Variants in CAST observed in about 807,000 individuals in gnomAD.
The protein encoded by CAST is MIR583 host.
Under a neutral mutation model 119.6 loss-of-function variants are expected in CAST, and 76 were observed. The ratio of observed to expected loss-of-function variants is 0.64; its 90% CI spans 0.53 to 0.77. The LOEUF (loss-of-function observed/expected upper bound fraction) is 0.77, where lower values mean the gene tolerates loss of function less well. CAST is among the 30% of genes least tolerant of loss of function. The pLI is 0.00. For missense variants in CAST, 953 were observed against 946.5 expected, an observed-to-expected ratio of 1.01 and a Z score of -0.09; for synonymous variants, 319 against 331.6, an observed-to-expected ratio of 0.96 and a Z score of 0.41.
chr5:96,213,895 T>C, the CAST span: 1 of 152,228 alleles, frequency 6.6e-6, no homozygotes, highest in Non-Finnish European at 1.5e-5. Context: ...TCCAGTTTTA[T>C]GTTGTCTTCT....
At chr5:96,707,708 A>G (rs1755300010) in intron 3 of CAST, among the ~76,000 whole-genome samples, 1 of 152,198 alleles carries the variant, frequency 6.6e-6, no homozygotes, top group Admixed American at 6.5e-5. Context: ...GAGCAAGGTC[A>G]TGGACCATTG....
chr5:96,271,249 G>T, the CAST span, among the ~76,000 whole-genome samples: 1 of 151,952 alleles, frequency 6.6e-6, no homozygotes, highest in Non-Finnish European at 1.5e-5. Flanking sequence ...TAAAAAAACA[G>T]TTCTAAAATG....
At chr5:95,974,118 C>A in the CAST span, among the ~76,000 whole-genome samples, 2 of 152,196 alleles carry the variant, frequency 1.3e-5, no homozygotes, top group South Asian at 4.1e-4. Flanking sequence ...GAGCTACCAA[C>A]TCTTACAGGC....
the CAST span, among the ~76,000 whole-genome samples, chr5:96,167,765 C>T: frequency 2.0e-5 from 3 of 152,162 alleles, no homozygotes; most frequent in Non-Finnish European, 4.4e-5. Context: ...GGCCTCTACC[C>T]ATCCAGTGAA....
the CAST span, among the ~76,000 whole-genome samples, chr5:96,302,930 C>G: frequency 6.6e-6 from 1 of 152,172 alleles, no homozygotes; most frequent in Admixed American, 6.6e-5. Context: ...AAAGTCACTT[C>G]CACATTTTCA....
chr5:96,497,941 A>T, the CAST span, among the ~76,000 whole-genome samples: 59 of 152,130 alleles, frequency 3.9e-4, no homozygotes, highest in Non-Finnish European at 6.6e-4. Context: ...TTGCCCATGC[A>T]TATGTCCTGA....
intron 1 of CAST, among the ~76,000 whole-genome samples, chr5:96,617,510 C>T (rs76107884): frequency 0.08 from 12,151 of 152,028 alleles, 772 homozygotes; most frequent in East Asian, 0.22. Flanking sequence ...TCTTAGGAGG[C>T]CGGGCACGGT....
chr5:96,698,624 CT>C (rs1753565224), intron 3 of CAST, among the ~76,000 whole-genome samples: 1 of 152,140 alleles, frequency 6.6e-6, no homozygotes, highest in African/African-American at 2.4e-5. Context: ...AGCATTATCC[CT>C]TAAGGAATTA....
the CAST span, among the ~76,000 whole-genome samples, chr5:96,077,175 A>G: frequency 6.6e-6 from 1 of 152,044 alleles, no homozygotes; most frequent in African/African-American, 2.4e-5. Context: ...TATATCATAA[A>G]TAACATTATA....
the CAST span, among the ~76,000 whole-genome samples, chr5:96,078,319 C>T: frequency 6.6e-6 from 1 of 152,110 alleles, no homozygotes; most frequent in Admixed American, 6.5e-5. Flanking sequence ...TCAGTCTACC[C>T]AAGTACACAG....
chr5:96,441,404 A>T, the CAST span, among the ~76,000 whole-genome samples: 5 of 152,152 alleles, frequency 3.3e-5, no homozygotes, highest in Admixed American at 2.0e-4. Flanking sequence ...AGAGAGCCAG[A>T]GCAAGTTTTA....
At position 96,770,563 on chromosome 5, in the gene CAST, A is replaced by G; in HGVS notation, c.2301A>G (p.Lys767=). Residue 767 remains lysine (K), a synonymous_variant, in exon 30 of 32, where the codon AAA becomes AAG. Coordinates refer to ENST00000675179, the MANE Select transcript of CAST (RefSeq NM_001750.7). The stretch of plus-strand genomic sequence containing the variant: ...GCAAGAAGGCTGCTTCCAGCTCCAA[A>G]GCACCTAAGAATGGAGGTAAAGCGA... ...DKCKKAASSS[K]APKNGGKAKD... is the part of the protein sequence containing the mutation. The G allele has an allele frequency of 6.2e-7, 1 of 1,613,232 alleles. No individual in the cohort carries two copies. Among genetic ancestry groups the G allele is most frequent in the Non-Finnish European group, 8.5e-7 (1 of 1,179,296 alleles).
chr5:96,611,841 A>G (rs966040006), intron 1 of CAST, among the ~76,000 whole-genome samples: 5 of 152,200 alleles, frequency 3.3e-5, no homozygotes, highest in African/African-American at 9.7e-5. Flanking sequence ...CATATGGAAA[A>G]ATGCTCGACA....
At chr5:96,089,658 TTTTG>T in the CAST span, among the ~76,000 whole-genome samples, 1 of 152,182 alleles carries the variant, frequency 6.6e-6, no homozygotes, top group African/African-American at 2.4e-5. Context: ...ATGTGCGTGT[TTTTG>T]TTTGTGTATG....
At chr5:96,594,130 A>G (rs1208790627) in intron 1 of CAST, among the ~76,000 whole-genome samples, 3 of 152,252 alleles carry the variant, frequency 2.0e-5, no homozygotes, top group African/African-American at 7.2e-5. Context: ...GCCATGCCTC[A>G]CCTTCCAAAT....
At position 96,729,644 on chromosome 5, in the gene CAST, A is replaced by G. The variant is rs559932814; in HGVS notation, c.468A>G (p.Thr156=). ...PKSLPKQASD[T]GSNDAHNKKA... is the part of the protein sequence containing the mutation. Reference sequence around the variant, plus strand: ...GCCTACCCAAGCAGGCATCAGATACAGGAAGTAACGATGCTCACAATAAAA... The same window carrying G: ...GCCTACCCAAGCAGGCATCAGATACGGGAAGTAACGATGCTCACAATAAAA... The change falls in exon 8 of 32, where the codon ACA becomes ACG. Residue 156 remains threonine (T), a synonymous_variant. Coordinates refer to ENST00000675179, the MANE Select transcript of CAST (RefSeq NM_001750.7). 1.9e-6 allele frequency: 3 copies of G among 1,593,938 alleles called. No individual in the cohort carries two copies. Among genetic ancestry groups the G allele is most frequent in the South Asian group, 2.2e-5 (2 of 90,576 alleles).
chr5:96,634,282 C>A (rs1747858951), intron 1 of CAST, among the ~76,000 whole-genome samples: 1 of 152,206 alleles, frequency 6.6e-6, no homozygotes, highest in Non-Finnish European at 1.5e-5. Context: ...GAAAGGGCTT[C>A]AACTGCTTGT....
chr5:96,425,062 A>AAGAG, the CAST span, among the ~76,000 whole-genome samples: 73 of 142,572 alleles, frequency 5.1e-4, no homozygotes, highest in Non-Finnish European at 8.3e-4. Flanking sequence ...GAAAGAAAGA[A>AAGAG]AGAAAGAAAG....
intron 24 of CAST, chr5:96,761,619 T>A (rs915466179): frequency 6.6e-6 from 1 of 152,310 alleles, no homozygotes; most frequent in African/African-American, 2.4e-5. Context: ...TCAACAGTTA[T>A]ACCTAAGTTT....
Sources: allele counts gnomAD v4.1 joint callset (sites outside exome capture counted in the v4.1 genomes callset), GRCh38; gene constraint gnomAD v4.1.1; transcripts MANE v1.5; gene names NCBI Gene and HGNC (gene_info 2026-07-23, HGNC 2026-07-21).